The following ASIC2 variants were observed in gnomAD, a reference collection of about 807,000 sequenced individuals.
ASIC2 encodes the protein acid-sensing ion channel 2.
A neutral mutation model predicts 57.3 loss-of-function variants in ASIC2; 25 were observed. That is an observed-to-expected ratio of 0.44 (90% CI 0.32 to 0.61). The LOEUF is 0.61. Among genes scored for constraint, ASIC2 ranks in the 20% least tolerant of loss-of-function variants. ASIC2 has a pLI of 0.06. For missense variants in ASIC2, 641 were observed against 738.1 expected, an observed-to-expected ratio of 0.87 and a Z score of 1.52; for synonymous variants, 319 against 307.5, an observed-to-expected ratio of 1.04 and a Z score of -0.39.
chr17:33,400,365 T>G (rs986729866), intron 1 of ASIC2, among the ~76,000 whole-genome samples: 1 of 152,190 alleles, frequency 6.6e-6, no homozygotes, highest in African/African-American at 2.4e-5. Context: ...CAGACCAGTC[T>G]TCTGGTATGG....
At chr17:34,031,565 A>G (rs1478266483) in intron 1 of ASIC2, among the ~76,000 whole-genome samples, 1 of 152,246 alleles carries the variant, frequency 6.6e-6, no homozygotes, top group African/African-American at 2.4e-5. Context: ...AACTACTCCA[A>G]GCTACAGGAG....
chr17:33,377,746 A>T (rs1447944073), intron 1 of ASIC2, among the ~76,000 whole-genome samples: 2 of 152,194 alleles, frequency 1.3e-5, no homozygotes, highest in Admixed American at 6.5e-5. Context: ...ATGTCTTCTC[A>T]ACCCCTAGCT....
rs1420083183 is a variant in ASIC2, at chr17:33,440,082, C to A, written c.556-328015G>T. 3.9e-5 allele frequency among the ~76,000 whole-genome samples: 6 copies of A among 152,308 alleles called. No individual in the cohort carries two copies. The East Asian group carries it at 1.2e-3, about 29-fold the overall frequency. ...TTCAATGATTTTTGCATAGTGCAAT[C>A]ATCATAATCCAGCCTTAGAACATTT... On this transcript the variant is annotated intron_variant, in intron 1 of 9. Transcript: ENST00000359872.
At chr17:33,335,844 C>T (rs1907492390) in intron 1 of ASIC2, among the ~76,000 whole-genome samples, 1 of 152,232 alleles carries the variant, frequency 6.6e-6, no homozygotes, top group Admixed American at 6.5e-5. Flanking sequence ...TCAGTCCTTA[C>T]ACTCCAGGAG....
intron 1 of ASIC2, among the ~76,000 whole-genome samples, chr17:33,460,341 G>C (rs1373503909): frequency 6.6e-6 from 1 of 152,186 alleles, no homozygotes; most frequent in Non-Finnish European, 1.5e-5. Context: ...ACAGGCAGGA[G>C]CTGGTAGATG....
At chr17:33,106,467 C>T (rs2092234897) in intron 2 of ASIC2, among the ~76,000 whole-genome samples, 2 of 152,160 alleles carry the variant, frequency 1.3e-5, no homozygotes, top group Non-Finnish European at 2.9e-5. Context: ...CTTTCTGACA[C>T]TCGAACCCTT....
chr17:33,860,278 G>A lies in ASIC2; in HGVS notation c.555+295700C>T, dbSNP rs1487772364. On this transcript the variant is annotated intron_variant, in intron 1 of 9. Transcript: ENST00000359872. ...AGAAAGGAAGGGGAAGAGAAGGGCA[G>A]GCTGCCTAGAATTCTTAAGATGGGG... is the stretch of plus-strand genomic sequence containing the variant. Among the ~76,000 whole-genome samples the A allele has an allele frequency of 2.0e-5, 3 of 152,208 alleles. No individual in the cohort carries two copies. The South Asian group carries it at 6.2e-4, about 32-fold the overall frequency.
At chr17:33,863,900 GTTTTTTT>G (rs1031021531) in intron 1 of ASIC2, among the ~76,000 whole-genome samples, 2 of 72,494 alleles carry the variant, frequency 2.8e-5, no homozygotes, top group African/African-American at 9.5e-5. Flanking sequence ...CTCTTTTTTT[GTTTTTTT>G]TTTTTTTGTT....
intron 1 of ASIC2, among the ~76,000 whole-genome samples, chr17:34,067,459 C>A (rs142400287): frequency 6.6e-6 from 1 of 152,094 alleles, no homozygotes; most frequent in East Asian, 1.9e-4. Context: ...ATACTGAAGG[C>A]TAACAGGAGT....
At chr17:33,436,847 C>A in intron 1 of ASIC2, among the ~76,000 whole-genome samples, 1 of 131,614 alleles carries the variant, frequency 7.6e-6, no homozygotes, top group Non-Finnish European at 1.6e-5. Flanking sequence ...AAACACATTC[C>A]AACTTCTTTT....
chr17:33,247,541 G>A (rs2142127524), intron 1 of ASIC2, among the ~76,000 whole-genome samples: 1 of 152,306 alleles, frequency 6.6e-6, no homozygotes, highest in Admixed American at 6.5e-5. Context: ...TATTTTTGGA[G>A]GAAGCGTTTC....
At chr17:33,368,274 TA>T (rs1220504831) in intron 1 of ASIC2, among the ~76,000 whole-genome samples, 1 of 152,230 alleles carries the variant, frequency 6.6e-6, no homozygotes, top group Non-Finnish European at 1.5e-5. Context: ...CTGGCTACCC[TA>T]AAGCTGCCAT....
chr17:33,884,382 T>G (rs1296898367), intron 1 of ASIC2, among the ~76,000 whole-genome samples: 1 of 152,186 alleles, frequency 6.6e-6, no homozygotes, highest in African/African-American at 2.4e-5. Context: ...TTCCCACTGT[T>G]GCTTGTTCCT....
intron 1 of ASIC2, among the ~76,000 whole-genome samples, chr17:33,990,847 C>T (rs1480413667): frequency 1.3e-5 from 2 of 152,084 alleles, no homozygotes; most frequent in African/African-American, 4.8e-5. Context: ...GCATTAAACA[C>T]AAATAAAAAA....
intron 1 of ASIC2, among the ~76,000 whole-genome samples, chr17:33,815,235 TG>T (rs1912542014): frequency 6.6e-6 from 1 of 152,198 alleles, no homozygotes; most frequent in African/African-American, 2.4e-5. Context: ...GCTCCGTATC[TG>T]CCCAGCTCCT....
intron 1 of ASIC2, among the ~76,000 whole-genome samples, chr17:33,606,789 C>T (rs1905242793): frequency 6.6e-6 from 1 of 152,194 alleles, no homozygotes; most frequent in African/African-American, 2.4e-5. Context: ...GGGTATATAC[C>T]AAGGGAAGGC....
intron 1 of ASIC2, among the ~76,000 whole-genome samples, chr17:33,862,960 C>T (rs1914136201): frequency 6.6e-6 from 1 of 152,120 alleles, no homozygotes. Context: ...TCTCAGATGA[C>T]TCACATGACA....
At chr17:33,707,804 T>C (rs925011889) in intron 1 of ASIC2, among the ~76,000 whole-genome samples, 2 of 152,236 alleles carry the variant, frequency 1.3e-5, no homozygotes, top group Admixed American at 6.5e-5. Flanking sequence ...TTCATGGGCA[T>C]GCACCTGACT....
chr17:33,667,838 T>A (rs1441881997), intron 1 of ASIC2, among the ~76,000 whole-genome samples: 1 of 152,076 alleles, frequency 6.6e-6, no homozygotes, highest in Non-Finnish European at 1.5e-5. Context: ...ATGGGGGAAA[T>A]TCTGACAGAT....
Sources: gnomAD v4.1 joint callset for allele counts (sites outside exome capture counted in the v4.1 genomes callset) on GRCh38, gnomAD v4.1.1 for gene constraint, MANE v1.5 for transcripts, NCBI Gene and HGNC (gene_info 2026-07-23, HGNC 2026-07-21) for gene names.